Variants in MAP2 observed in about 807,000 individuals in gnomAD.
MAP2 encodes microtubule-associated protein 2.
MAP2 carries 14 observed loss-of-function variants against 137.6 expected under a neutral mutation model. The ratio of observed to expected loss-of-function variants is 0.10; its 90% CI spans 0.07 to 0.16. The LOEUF is 0.16. Ranked by LOEUF, MAP2 falls within the 10% of genes least tolerant of loss-of-function variation. The pLI, the probability that MAP2 is intolerant of heterozygous loss-of-function variation, is 1.00. For synonymous variants in MAP2, 786 were observed against 782.3 expected (o/e 1.00, Z -0.08); for missense variants, 2,088 against 2,191.5 (o/e 0.95, Z 0.94).
intron 1 of MAP2, among the ~76,000 whole-genome samples, chr2:209,434,834 TATATATATATATATGTTATATATATATG>T (rs1695295509): frequency 3.0e-5 from 2 of 67,310 alleles, no homozygotes; most frequent in Admixed American, 3.0e-4. Flanking sequence ...TCTCTCTCTC[TATATATATATATATGTTATATATATATG>T]TTATATATAT....
At chr2:209,684,948 A>G (rs1270884065) in intron 7 of MAP2, among the ~76,000 whole-genome samples, 2 of 151,582 alleles carry the variant, frequency 1.3e-5, no homozygotes, top group Non-Finnish European at 3.0e-5. Flanking sequence ...GTACCTGACA[A>G]CTTGTCTGAG....
At chr2:209,544,695 GA>G (rs1485350132) in intron 2 of MAP2, among the ~76,000 whole-genome samples, 1 of 152,150 alleles carries the variant, frequency 6.6e-6, no homozygotes, top group East Asian at 1.9e-4. Context: ...AAAAGTAAAA[GA>G]GCAAAATAAT....
chr2:209,563,750 G>A (rs2072745469), intron 2 of MAP2, among the ~76,000 whole-genome samples: 1 of 152,234 alleles, frequency 6.6e-6, no homozygotes, highest in Non-Finnish European at 1.5e-5. Context: ...AACCAAGATA[G>A]AACACTGTGG....
At position 209,730,520 on chromosome 2, in the gene MAP2, T is replaced by A. The variant is rs754061698; in HGVS notation, c.*123T>A. ...AAAATAAATAATCTCATCCCCAAAC[T>A]GTAGTAATTGTTACAATTTTCTATT... On this transcript the variant is annotated 3_prime_UTR_variant, in exon 16 of 16. Transcript: ENST00000682079. 2.9e-5 allele frequency: 20 copies of A among 680,572 alleles called. No homozygotes were observed. Among genetic ancestry groups the A allele is most frequent in the Non-Finnish European group, 4.7e-5 (19 of 407,496 alleles). The allele number at this position is 680,572 out of a possible 1,614,324, so 42.2% of individuals were successfully genotyped here.
intron 1 of MAP2, among the ~76,000 whole-genome samples, chr2:209,445,318 A>G (rs1411637408): frequency 6.6e-6 from 1 of 151,706 alleles, no homozygotes; most frequent in East Asian, 1.9e-4. Context: ...GATATGCACA[A>G]TGTCATTCTC....
chr2:209,564,389 T>C (rs1286085343), intron 2 of MAP2, among the ~76,000 whole-genome samples: 1 of 151,924 alleles, frequency 6.6e-6, no homozygotes, highest in Non-Finnish European at 1.5e-5. Flanking sequence ...TTATTTTGAA[T>C]CATTTATGCT....
chr2:209,429,537 T>C (rs1278741225), intron 1 of MAP2, among the ~76,000 whole-genome samples: 1 of 152,172 alleles, frequency 6.6e-6, no homozygotes, highest in Non-Finnish European at 1.5e-5. Context: ...AATTTAATTT[T>C]AAGTAAAATA....
intron 5 of MAP2, among the ~76,000 whole-genome samples, chr2:209,669,986 A>AG (rs1185056798): frequency 6.6e-6 from 1 of 152,028 alleles, no homozygotes; most frequent in African/African-American, 2.4e-5. Flanking sequence ...GACTTAATGA[A>AG]GAGAATATAA....
chr2:209,523,894 T>C (rs2063635446), intron 2 of MAP2, among the ~76,000 whole-genome samples: 1 of 152,202 alleles, frequency 6.6e-6, no homozygotes, highest in South Asian at 2.1e-4. Flanking sequence ...AAAAAGGATG[T>C]TAGCAGAAAT....
At chr2:209,501,092 T>G (rs1337994937) in intron 1 of MAP2, among the ~76,000 whole-genome samples, 1 of 147,940 alleles carries the variant, frequency 6.8e-6, no homozygotes, top group Non-Finnish European at 1.5e-5. Flanking sequence ...ATTACAAGAA[T>G]TACAAACAAA....
intron 13 of MAP2, among the ~76,000 whole-genome samples, chr2:209,712,087 C>T (rs2065694598): frequency 6.6e-6 from 1 of 152,020 alleles, no homozygotes; most frequent in African/African-American, 2.4e-5. Context: ...TTGAAGGACT[C>T]CTTAAGAAAG....
intron 1 of MAP2, among the ~76,000 whole-genome samples, chr2:209,466,092 C>T (rs752838591): frequency 1.3e-5 from 2 of 152,022 alleles, no homozygotes; most frequent in Non-Finnish European, 2.9e-5. Context: ...TGTTAAAGTC[C>T]CATGAGACTA....
At chr2:209,728,706 A>T (rs1015294348) in intron 14 of MAP2, among the ~76,000 whole-genome samples, 1 of 152,198 alleles carries the variant, frequency 6.6e-6, no homozygotes, top group Non-Finnish European at 1.5e-5. Context: ...AATCTCTTTC[A>T]TATTTCCATA....
chr2:209,490,987 C>T (rs2059041045), intron 1 of MAP2, among the ~76,000 whole-genome samples: 1 of 152,298 alleles, frequency 6.6e-6, no homozygotes, highest in East Asian at 1.9e-4. Context: ...CCCAAATCAA[C>T]TGAATATACA....
intron 1 of MAP2, among the ~76,000 whole-genome samples, chr2:209,444,944 G>A (rs1270460706): frequency 6.6e-6 from 1 of 151,320 alleles, no homozygotes; most frequent in African/African-American, 2.4e-5. Flanking sequence ...TTGTGATGAT[G>A]TGTTACCATC....
intron 4 of MAP2, among the ~76,000 whole-genome samples, chr2:209,638,831 T>C (rs2093777775): frequency 6.6e-6 from 1 of 152,142 alleles, no homozygotes; most frequent in Non-Finnish European, 1.5e-5. Context: ...ATCTTAATCA[T>C]CATCATTTTC....
chr2:209,620,252 A>G lies in MAP2; in HGVS notation c.-106-4801A>G, dbSNP rs367715529. 4.9e-4 allele frequency among the ~76,000 whole-genome samples: 74 copies of G among 152,318 alleles called. 3 individuals carry two copies. The South Asian group carries it at 0.014, about 28-fold the overall frequency. ...GAGATGCTTCAGACAAGACTAGATC[A>G]TTTCTACTAAATCAGCTTAACCCAG... On this transcript the variant is annotated intron_variant, in intron 3 of 15. Transcript: ENST00000682079.
intron 11 of MAP2, 114 bp from the exon 12 acceptor site, chr2:209,705,466 T>C (rs1459715763): frequency 2.7e-6 from 2 of 743,996 alleles, no homozygotes; most frequent in African/African-American, 3.6e-5. Flanking sequence ...TCCAGTAGTT[T>C]GTATTAAAAG....
chr2:209,532,595 A>C (rs1024961678), intron 2 of MAP2, among the ~76,000 whole-genome samples: 1 of 152,182 alleles, frequency 6.6e-6, no homozygotes, highest in Non-Finnish European at 1.5e-5. Flanking sequence ...AAAGTATACT[A>C]TGATGCCTAT....
Sources: allele counts gnomAD v4.1 joint callset (sites outside exome capture counted in the v4.1 genomes callset), GRCh38; gene constraint gnomAD v4.1.1; transcripts MANE v1.5; gene names NCBI Gene and HGNC (gene_info 2026-07-23, HGNC 2026-07-21).